Variants in MATCAP1 observed in about 807,000 individuals in gnomAD.
MATCAP1 encodes microtubule associated tyrosine carboxypeptidase 1.
chr16:67,178,981 C>A, the MATCAP1 span: 3 of 466,844 alleles, frequency 6.4e-6, no homozygotes. Flanking sequence ...GTGCCCTGCA[C>A]CCCCCTGCCC....
At chr16:67,176,852 G>A in the MATCAP1 span, 6 of 1,608,150 alleles carry the variant, frequency 3.7e-6, no homozygotes, top group East Asian at 2.2e-5. The surrounding 1 kb of genome is among the most constrained non-coding windows in gnomAD (Gnocchi z 4.3). Context: ...TCATCCAGCC[G>A]GTTGGTGGCC....
chr16:67,180,707 G>C, the MATCAP1 span: 3 of 871,762 alleles, frequency 3.4e-6, no homozygotes, highest in Non-Finnish European at 5.0e-6. Flanking sequence ...GCATGAGTGG[G>C]TGTGACCAAA....
At chr16:67,179,683 TC>T in the MATCAP1 span, 5 of 1,486,552 alleles carry the variant, frequency 3.4e-6, no homozygotes, top group East Asian at 1.1e-4. This position sits in a 1 kb window ranked among gnomAD's most constrained non-coding sequence, Gnocchi z 5.2. Flanking sequence ...CTTCATCACC[TC>T]TGCTCAGAAC....
chr16:67,179,980 C>G, the MATCAP1 span: 1 of 1,613,978 alleles, frequency 6.2e-7, no homozygotes, highest in Non-Finnish European at 8.5e-7. The surrounding 1 kb of genome is among the most constrained non-coding windows in gnomAD (Gnocchi z 5.2). Flanking sequence ...GCCACAGTGG[C>G]TGGTCAGGAC....
chr16:67,178,707 CCA>C, the MATCAP1 span: 2 of 704,290 alleles, frequency 2.8e-6, no homozygotes. Flanking sequence ...ACCCAAGGAT[CCA>C]CAGAGGCTCA....
At chr16:67,179,014 A>G in the MATCAP1 span, 1 of 862,542 alleles carries the variant, frequency 1.2e-6, no homozygotes, top group Non-Finnish European at 1.5e-6. The surrounding 1 kb of genome is among the most constrained non-coding windows in gnomAD (Gnocchi z 5.2). Context: ...CCCCTCCTAA[A>G]CCAGGTGCCA....
At chr16:67,179,905 A>C in the MATCAP1 span, 1 of 1,614,238 alleles carries the variant, frequency 6.2e-7, no homozygotes. The surrounding 1 kb of genome is among the most constrained non-coding windows in gnomAD (Gnocchi z 5.2). Context: ...TGGCAGCCTC[A>C]AAGTGTTCAT....
At chr16:67,176,911 T>G in the MATCAP1 span, 2 of 1,609,292 alleles carry the variant, frequency 1.2e-6, no homozygotes, top group Admixed American at 3.4e-5. The surrounding 1 kb of genome is among the most constrained non-coding windows in gnomAD (Gnocchi z 4.3). Context: ...CTGCATGAAG[T>G]GGGGCACCCG....
chr16:67,178,312 C>G, the MATCAP1 span: 2 of 1,581,758 alleles, frequency 1.3e-6, no homozygotes, highest in Non-Finnish European at 1.7e-6. Context: ...GAAGGACATG[C>G]GCGCGGCGCG....
the MATCAP1 span, chr16:67,180,382 T>A: frequency 6.2e-7 from 1 of 1,612,940 alleles, no homozygotes; most frequent in Non-Finnish European, 8.5e-7. Context: ...CTGCGACGCA[T>A]GTGGCCACGG....
chr16:67,178,688 T>C, the MATCAP1 span: 1 of 712,454 alleles, frequency 1.4e-6, no homozygotes, highest in South Asian at 1.5e-5. Context: ...CCTCCTCCTG[T>C]GGACTCGCAC....
At chr16:67,176,062 T>A in the MATCAP1 span, 1 of 8,934 alleles carries the variant, frequency 1.1e-4, no homozygotes, top group Admixed American at 1.4e-3. This position sits in a 1 kb window ranked among gnomAD's most constrained non-coding sequence, Gnocchi z 4.3. Flanking sequence ...TCAGTGTGTG[T>A]GTGTGTGTGT....
At chr16:67,178,245 C>T in the MATCAP1 span, 2 of 1,560,018 alleles carry the variant, frequency 1.3e-6, no homozygotes, top group Admixed American at 3.8e-5. Flanking sequence ...GCACGCAGTA[C>T]TCCCAGCGCA....
the MATCAP1 span, chr16:67,177,895 C>G: frequency 3.3e-5 from 29 of 870,086 alleles, no homozygotes; most frequent in African/African-American, 1.0e-4. Flanking sequence ...CACGCTCCCC[C>G]CTACCACCAC....
At chr16:67,178,673 A>T in the MATCAP1 span, 8 of 727,514 alleles carry the variant, frequency 1.1e-5, no homozygotes, top group Non-Finnish European at 1.7e-5. Context: ...AGGCAGCGTG[A>T]AGCTCCTCCT....
chr16:67,178,117 C>A, the MATCAP1 span: 3 of 1,609,794 alleles, frequency 1.9e-6, no homozygotes, highest in Admixed American at 3.4e-5. Flanking sequence ...CCTGGGAGGG[C>A]AGGAGGGCGG....
chr16:67,183,096 CT>C, the MATCAP1 span, among the ~76,000 whole-genome samples: 3 of 151,894 alleles, frequency 2.0e-5, no homozygotes, highest in African/African-American at 7.3e-5. Flanking sequence ...CATCTTCCCC[CT>C]CTCCACTCCT....
the MATCAP1 span, chr16:67,176,505 A>AC: frequency 3.4e-6 from 1 of 296,306 alleles, no homozygotes; most frequent in East Asian, 5.7e-5. The surrounding 1 kb of genome is among the most constrained non-coding windows in gnomAD (Gnocchi z 4.3). Context: ...TTCCCAAACC[A>AC]CCCCCATCCC....
chr16:67,176,737 G>T, the MATCAP1 span: 2 of 1,401,068 alleles, frequency 1.4e-6, no homozygotes, highest in Non-Finnish European at 9.5e-7. The surrounding 1 kb of genome is among the most constrained non-coding windows in gnomAD (Gnocchi z 4.3). Context: ...GACGCACAGA[G>T]CAAACTGCTT....
Sources: allele counts gnomAD v4.1 joint callset (sites outside exome capture counted in the v4.1 genomes callset), GRCh38; gene constraint gnomAD v4.1.1; non-coding constraint Gnocchi (gnomAD v3.1); transcripts MANE v1.5; gene names NCBI Gene and HGNC (gene_info 2026-07-23, HGNC 2026-07-21).